The following CEP72 variants were observed in gnomAD, a reference collection of about 807,000 sequenced individuals.
CEP72 encodes the protein centrosomal protein 72.
In CEP72, 78 loss-of-function variants were observed where a neutral mutation model predicts 65.7. That is an observed-to-expected ratio of 1.19 (90% confidence interval 0.99 to 1.43). CEP72 has a LOEUF of 1.43. CEP72 is among the 40% of genes most tolerant of loss of function. The pLI, the probability that CEP72 is intolerant of heterozygous loss-of-function variation, is 0.00. For missense variants in CEP72, 914 were observed against 832.9 expected (o/e 1.10, Z -1.20); for synonymous variants, 358 against 351.7 (o/e 1.02, Z -0.20).
chr5:614,417 C>T (rs1245131022), intron 1 of CEP72, among the ~76,000 whole-genome samples: 4 of 151,298 alleles, frequency 2.6e-5, no homozygotes, highest in Admixed American at 1.3e-4. Context: ...TAAGAATTTC[C>T]CTCGATACTT....
At chr5:616,190 A>C (rs1273039407) in intron 1 of CEP72, among the ~76,000 whole-genome samples, 1 of 152,150 alleles carries the variant, frequency 6.6e-6, no homozygotes, top group African/African-American at 2.4e-5. Context: ...GTCTTAGGGC[A>C]GGTCTGCTTG....
chr5:643,340 G>T (rs1738185391), intron 9 of CEP72: 1 of 985,360 alleles, frequency 1.0e-6, no homozygotes, highest in Admixed American at 6.1e-5. Context: ...CGGAGGGCAG[G>T]TCATGCTGGT....
downstream of CEP72, among the ~76,000 whole-genome samples, chr5:667,497 G>A (rs1739969560): frequency 6.6e-6 from 1 of 152,160 alleles, no homozygotes; most frequent in Non-Finnish European, 1.5e-5. Flanking sequence ...TGTGACCTGG[G>A]GTTAGGCGAA....
chr5:668,801 C>T (rs1740067907), downstream of CEP72, among the ~76,000 whole-genome samples: 1 of 152,256 alleles, frequency 6.6e-6, no homozygotes, highest in Admixed American at 6.5e-5. Flanking sequence ...AGCGGCCAGA[C>T]CACAGTGCTG....
chr5:626,637 T>C (rs1736775640), intron 4 of CEP72, among the ~76,000 whole-genome samples: 2 of 152,090 alleles, frequency 1.3e-5, no homozygotes, highest in South Asian at 4.1e-4. Context: ...CTGGACAACA[T>C]AGTGAGACTC....
In CEP72 at chr5:628,881, A is replaced by T. The variant is rs75988396; in HGVS notation, c.512+4302A>T. Among the ~76,000 whole-genome samples the T allele has an allele frequency of 4.7e-3, 497 of 106,644 alleles. 1 individual carries two copies. Among genetic ancestry groups the T allele is most frequent in the African/African-American group, 0.022 (451 of 20,816 alleles). The allele number at this position is 106,644 out of a possible 152,430, so 70.0% of individuals were successfully genotyped here. On this transcript the variant is annotated intron_variant, in intron 4 of 11. Coordinates refer to ENST00000264935, the MANE Select transcript of CEP72 (RefSeq NM_018140.4). Reference sequence around the variant, plus strand: ...CTTTGTGCAGCGTTCTGGAGAACTCAGGTTGCCGTCCCTGGGGAGTGGCCC... The same window carrying T: ...CTTTGTGCAGCGTTCTGGAGAACTCTGGTTGCCGTCCCTGGGGAGTGGCCC...
chr5:664,244 G>A (rs1280072906), intron 2 of CEP72: 2 of 152,508 alleles, frequency 1.3e-5, no homozygotes, highest in African/African-American at 4.8e-5. Context: ...GTCACGCGGT[G>A]AGGCGAGGAG....
At chr5:642,573 G>A in intron 9 of CEP72, 7 of 985,486 alleles carry the variant, frequency 7.1e-6, no homozygotes, top group Non-Finnish European at 8.4e-6. Flanking sequence ...AGTGCTGCCA[G>A]GGGTGAGAGT....
chr5:641,512 C>T (rs890000509), intron 9 of CEP72: 23 of 984,136 alleles, frequency 2.3e-5, no homozygotes, highest in Middle Eastern at 5.2e-4. Context: ...CACAACGCTT[C>T]CTCTTTAGAG....
At chr5:675,213 C>T in the CEP72 span, among the ~76,000 whole-genome samples, 14,581 of 44,636 alleles carry the variant, frequency 0.33, 2,375 homozygotes, top group East Asian at 0.49. Context: ...TCAGTGTAGC[C>T]GGGGGTGCAG....
intron 6 of CEP72, among the ~76,000 whole-genome samples, chr5:636,357 C>T (rs947023212): frequency 3.9e-5 from 6 of 152,208 alleles, no homozygotes; most frequent in African/African-American, 1.4e-4. Context: ...TGTGCACACC[C>T]TCCCTCACCC....
chr5:642,370 T>C (rs1738111309), intron 9 of CEP72: 4 of 983,796 alleles, frequency 4.1e-6, no homozygotes, highest in Non-Finnish European at 4.8e-6. Context: ...GAAGCCTCTA[T>C]ATTTAAACAC....
intron 4 of CEP72, among the ~76,000 whole-genome samples, chr5:625,098 C>T (rs536656166): frequency 6.6e-6 from 1 of 152,260 alleles, no homozygotes; most frequent in East Asian, 1.9e-4. Flanking sequence ...AGACCGTGGG[C>T]GTGTGTGTGA....
chr5:618,914 A>G (rs1213109570), intron 1 of CEP72, 76 bp from the exon 2 acceptor site: 1 of 1,212,728 alleles, frequency 8.2e-7, no homozygotes, highest in Non-Finnish European at 1.2e-6. Flanking sequence ...CTCCATATCC[A>G]ACACCAAGAA....
the CEP72 span, among the ~76,000 whole-genome samples, chr5:674,636 G>A: frequency 5.3e-5 from 8 of 152,070 alleles, no homozygotes; most frequent in Non-Finnish European, 5.9e-5. Flanking sequence ...CCACCAGAGC[G>A]GCCCTGGTCA....
At position 653,469 on chromosome 5, in the gene CEP72, G is replaced by C. The variant is rs1168070687; in HGVS notation, c.*316G>C. On this transcript the variant is annotated 3_prime_UTR_variant, in exon 12 of 12. Coordinates refer to ENST00000264935, the MANE Select transcript of CEP72 (RefSeq NM_018140.4). ...CAGTGTTCTACTGCCTGATGTGAAA[G>C]AGAGCTATGTATGATAATTAAAGAA... 4.4e-6 allele frequency: 1 copy of C among 227,872 alleles called. No individual in the cohort carries two copies. 14.1% of individuals were successfully genotyped at this position (227,872 alleles called of 1,614,324 possible). A position where few individuals can be genotyped will look rare whatever the true frequency, so the allele number is the denominator to read the frequency against.
downstream of CEP72, among the ~76,000 whole-genome samples, chr5:654,804 T>C (rs1400809637): frequency 1.3e-5 from 2 of 152,220 alleles, no homozygotes; most frequent in East Asian, 3.9e-4. Context: ...CAGCCACTAC[T>C]CATATTTCTT....
In CEP72 at chr5:640,577, G is replaced by A. The variant is rs368064574; in HGVS notation, c.1512G>A (p.Ala504=). Residue 504 remains alanine (A), a synonymous_variant, in exon 9 of 12, where the codon GCG becomes GCA. Transcript: ENST00000264935. ...CCCGGGAGATGAGCGAGGTGACGGCGGAGCTGCACCACACACACAAGGAGC... is the reference window on the plus strand; with the variant it reads ...CCCGGGAGATGAGCGAGGTGACGGCAGAGCTGCACCACACACACAAGGAGC... ...QHAREMSEVT[A]ELHHTHKELD... 71 of 1,613,320 alleles carry A rather than the reference G, an allele frequency of 4.4e-5. No individual in the cohort carries two copies. The Middle Eastern group carries it at 1.0e-3, about 23-fold the overall frequency.
At chr5:671,438 C>T (rs558483749), downstream of CEP72, among the ~76,000 whole-genome samples, 1 of 152,302 alleles carries the variant, frequency 6.6e-6, no homozygotes, top group Admixed American at 6.5e-5. Context: ...GGGCTTTGGT[C>T]TGTGCACCTG....
Sources: gnomAD v4.1 joint callset for allele counts (sites outside exome capture counted in the v4.1 genomes callset) on GRCh38, gnomAD v4.1.1 for gene constraint, MANE v1.5 for transcripts, NCBI Gene and HGNC (gene_info 2026-07-23, HGNC 2026-07-21) for gene names.